Variants in DPP6 observed in about 807,000 individuals in gnomAD.
The protein encoded by DPP6 is dipeptidyl peptidase like 6.
A neutral mutation model predicts 122.6 loss-of-function variants in DPP6; 69 were observed. The observed-to-expected ratio is 0.56, with a 90% CI of 0.46 to 0.69. The LOEUF (loss-of-function observed/expected upper bound fraction) is 0.69. Among genes scored for constraint, DPP6 ranks in the 30% least tolerant of loss-of-function variants. The pLI, the probability that DPP6 is intolerant of heterozygous loss-of-function variation, is 0.00. For missense variants in DPP6, 928 were observed against 1,116.9 expected, an observed-to-expected ratio of 0.83 and a Z score of 2.41; for synonymous variants, 418 against 433.1, an observed-to-expected ratio of 0.97 and a Z score of 0.43.
At chr7:154,065,796 G>A (rs1396276175) in intron 1 of DPP6, among the ~76,000 whole-genome samples, 1 of 151,990 alleles carries the variant, frequency 6.6e-6, no homozygotes, top group African/African-American at 2.4e-5. Context: ...TTTTCCTCAG[G>A]GACTGGGTTT....
At chr7:154,557,029 G>A (rs181553935) in intron 4 of DPP6, among the ~76,000 whole-genome samples, 112 of 152,236 alleles carry the variant, frequency 7.4e-4, no homozygotes, top group African/African-American at 2.5e-3. Flanking sequence ...AGGGCCACTC[G>A]TTCTGAGAAA....
chr7:154,791,877 A>T (rs763488391), intron 10 of DPP6, among the ~76,000 whole-genome samples: 2 of 152,260 alleles, frequency 1.3e-5, no homozygotes, highest in Non-Finnish European at 2.9e-5. Flanking sequence ...TTCTGGAGGC[A>T]TCAAGAGAAA....
intron 1 of DPP6, among the ~76,000 whole-genome samples, chr7:154,085,002 A>AC (rs1455661197): frequency 2.0e-5 from 3 of 151,576 alleles, no homozygotes; most frequent in African/African-American, 7.3e-5. Context: ...AAAAAAAAAA[A>AC]AAAAAAAAAC....
Position 154,889,323 on chromosome 7 carries a change from A to G in DPP6, c.2356A>G (p.Ile786Val), listed in dbSNP as rs1806414920. ...CGCGCTGGAAGAACAGCAGTTCCTG[A>G]TCATTCATCCCACTGCCGATGGTAA... ...VSALEEQQFLIIHPTADEKIH... is the reference protein window; with the variant it reads ...VSALEEQQFLVIHPTADEKIH... The change falls in exon 24 of 26, where the codon ATC (isoleucine) becomes GTC (valine). Residue 786 changes from isoleucine to valine, a missense_variant. Ile to Val is a conservative substitution (Grantham distance 29). Coordinates refer to ENST00000377770, the MANE Select transcript of DPP6 (RefSeq NM_130797.4). 3 of 1,612,570 alleles carry G rather than the reference A, an allele frequency of 1.9e-6. No homozygotes were observed. The highest frequency in any genetic ancestry group is 2.5e-6 in the Non-Finnish European group (3 of 1,179,646).
At chr7:154,109,198 A>G (rs1450471215) in intron 1 of DPP6, among the ~76,000 whole-genome samples, 3 of 152,298 alleles carry the variant, frequency 2.0e-5, no homozygotes, top group Non-Finnish European at 4.4e-5. Context: ...ATAGATATGG[A>G]GTAAATATGA....
intron 7 of DPP6, among the ~76,000 whole-genome samples, chr7:154,679,049 CAGA>C (rs1365028978): frequency 1.3e-5 from 2 of 152,242 alleles, no homozygotes; most frequent in Non-Finnish European, 2.9e-5. Flanking sequence ...TGGTGTGTGT[CAGA>C]AGGAGAGTTG....
intron 1 of DPP6, among the ~76,000 whole-genome samples, chr7:154,253,296 GGTA>G (rs1406474441): frequency 6.6e-6 from 1 of 152,162 alleles, no homozygotes; most frequent in African/African-American, 2.4e-5. Context: ...CACCTTCCCT[GGTA>G]GGTACCTGGA....
At chr7:154,379,574 C>T (rs1249253933) in intron 1 of DPP6, among the ~76,000 whole-genome samples, 1 of 152,080 alleles carries the variant, frequency 6.6e-6, no homozygotes, top group Admixed American at 6.6e-5. Flanking sequence ...GAAAGCTTGT[C>T]TTTACAGAAG....
chr7:153,951,710 T>A (rs1380834462), intron 1 of DPP6, among the ~76,000 whole-genome samples: 1 of 152,168 alleles, frequency 6.6e-6, no homozygotes, highest in Non-Finnish European at 1.5e-5. Flanking sequence ...AAGTTTTCCC[T>A]TGCTTTCTTC....
chr7:153,765,575 CTAGGTAGTTGA>C, the DPP6 span, among the ~76,000 whole-genome samples: 5 of 151,592 alleles, frequency 3.3e-5, no homozygotes, highest in Middle Eastern at 0.014. Flanking sequence ...AAAAAAACAC[CTAGGTAGTTGA>C]TGATGTATGT....
At chr7:153,840,099 G>C in the DPP6 span, among the ~76,000 whole-genome samples, 1 of 151,976 alleles carries the variant, frequency 6.6e-6, no homozygotes, top group Non-Finnish European at 1.5e-5. Flanking sequence ...TTGTACAAGG[G>C]GCAACATTTA....
At chr7:154,465,369 T>G (rs775675298) in intron 2 of DPP6, among the ~76,000 whole-genome samples, 7 of 152,104 alleles carry the variant, frequency 4.6e-5, no homozygotes, top group Non-Finnish European at 8.8e-5. Flanking sequence ...GGGATCTAAT[T>G]AAACTAAAGA....
chr7:154,325,928 A>C (rs1010122123), intron 1 of DPP6, among the ~76,000 whole-genome samples: 1 of 152,222 alleles, frequency 6.6e-6, no homozygotes, highest in African/African-American at 2.4e-5. Context: ...TATAAGAGGC[A>C]TGCATCATTT....
At chr7:154,397,013 A>G (rs1032906500) in intron 1 of DPP6, among the ~76,000 whole-genome samples, 4 of 152,136 alleles carry the variant, frequency 2.6e-5, no homozygotes, top group African/African-American at 7.2e-5. Flanking sequence ...TCTATGAAAC[A>G]GAATGAAATG....
rs116650008 is a variant in DPP6 at position 154,553,470 on chromosome 7, T to C, written c.552+12844T>C. On this transcript the variant is annotated intron_variant, in intron 4 of 25. Coordinates refer to ENST00000377770, the MANE Select transcript of DPP6 (RefSeq NM_130797.4). The stretch of plus-strand genomic sequence containing the variant: ...ATTAACTAATAGTTGATATTTTGAG[T>C]GCTTACGGTGTGACTAAAGAATCCT... 4.6e-3 allele frequency among the ~76,000 whole-genome samples: 704 copies of C among 152,330 alleles called. 2 individuals carry two copies. Among genetic ancestry groups the C allele is most frequent in the African/African-American group, 0.016 (646 of 41,562 alleles).
At chr7:153,922,636 C>T (rs574122776) in intron 1 of DPP6, among the ~76,000 whole-genome samples, 1 of 152,204 alleles carries the variant, frequency 6.6e-6, no homozygotes, top group South Asian at 2.1e-4. Context: ...TAATGGTATA[C>T]CATATTTTAA....
chr7:154,855,699 C>T (rs1038182508), intron 17 of DPP6, among the ~76,000 whole-genome samples: 3 of 152,178 alleles, frequency 2.0e-5, no homozygotes, highest in Non-Finnish European at 2.9e-5. Context: ...GGCCTGGGGT[C>T]GGTGGAGTCT....
At chr7:154,659,732 T>C (rs1239746926) in intron 6 of DPP6, among the ~76,000 whole-genome samples, 4 of 152,220 alleles carry the variant, frequency 2.6e-5, no homozygotes, top group Non-Finnish European at 5.9e-5. Flanking sequence ...CATCCTGGTG[T>C]TTTTGAAGAC....
At chr7:154,313,710 T>TATATATATATATATATATATATATGC (rs1807138918) in intron 1 of DPP6, among the ~76,000 whole-genome samples, 1 of 16,190 alleles carries the variant, frequency 6.2e-5, no homozygotes, top group Non-Finnish European at 1.2e-4. Flanking sequence ...TATATATATA[T>TATATATATATATATATATATATATGC]ATATACACAC....
Sources: gnomAD v4.1 joint callset for allele counts (sites outside exome capture counted in the v4.1 genomes callset) on GRCh38, gnomAD v4.1.1 for gene constraint, MANE v1.5 for transcripts, NCBI Gene and HGNC (gene_info 2026-07-23, HGNC 2026-07-21) for gene names.